MALRD1: variants seen among roughly 807,000 people sequenced by gnomAD.
MALRD1 encodes the protein MAM and LDL receptor class A domain containing 1, also known as MAM and LDL-receptor class A domain-containing protein 1.
In MALRD1, 247 loss-of-function variants were observed where a neutral mutation model predicts 242.1. The observed-to-expected ratio is 1.02, with a 90% confidence interval of 0.92 to 1.13. The LOEUF is 1.13. Ranked by LOEUF, MALRD1 falls within the 50% of genes most tolerant of loss-of-function variation. The probability of loss-of-function intolerance (pLI) is 0.00; values close to 1 mark genes in which losing one functional copy is unlikely to be tolerated. For synonymous variants in MALRD1, 995 were observed against 866.6 expected (o/e 1.15, Z -2.60); for missense variants, 2,989 against 2,533.1 (o/e 1.18, Z -3.86).
At chr10:19,489,266 A>C in intron 29 of MALRD1, 1 of 483,540 alleles carries the variant, frequency 2.1e-6, no homozygotes, top group South Asian at 1.5e-5. Flanking sequence ...AAAAGGGAAA[A>C]GGAGAGCAAA....
At chr10:19,142,955 A>G (rs1257316665) in intron 10 of MALRD1, among the ~76,000 whole-genome samples, 1 of 152,222 alleles carries the variant, frequency 6.6e-6, no homozygotes, top group African/African-American at 2.4e-5. Context: ...GCTTTAAAAA[A>G]TATTCTTTTA....
chr10:19,292,186 A>G (rs890592804), intron 21 of MALRD1, among the ~76,000 whole-genome samples: 2 of 152,084 alleles, frequency 1.3e-5, no homozygotes, highest in Non-Finnish European at 2.9e-5. Flanking sequence ...TCTAAAAAAC[A>G]TCATTTCAAG....
At chr10:19,705,642 T>TTCCTCC in intron 38 of MALRD1, among the ~76,000 whole-genome samples, 1 of 151,478 alleles carries the variant, frequency 6.6e-6, no homozygotes, top group South Asian at 2.1e-4. Context: ...ACCAGCATGA[T>TTCCTCC]TCCTCCTCCT....
rs1554842468 is a variant in MALRD1, at chr10:19,376,542, C to CATTTTTTTTTTTTTTTTTTTTTTTTT, written c.4442-10986_4442-10985insATTTTTTTTTTTTTTTTTTTTTTTTT. On this transcript the variant is annotated intron_variant, in intron 26 of 39. Transcript: ENST00000454679. ...TTGAAAGTCAAGGAGTTGATACATT[C>CATTTTTTTTTTTTTTTTTTTTTTTTT]TTTTTTTTTTTTTTTTTTTTTTTTT... 2.3e-4 allele frequency among the ~76,000 whole-genome samples: 22 copies of CATTTTTTTTTTTTTTTTTTTTTTTTT among 94,992 alleles called. 5 individuals are homozygous for CATTTTTTTTTTTTTTTTTTTTTTTTT. Among genetic ancestry groups the CATTTTTTTTTTTTTTTTTTTTTTTTT allele is most frequent in the Non-Finnish European group, 1.9e-4 (9 of 48,166 alleles). 62.3% of individuals were successfully genotyped at this position (94,992 alleles called of 152,430 possible).
chr10:19,063,255 G>T (rs1054502347), intron 1 of MALRD1, among the ~76,000 whole-genome samples: 23 of 152,166 alleles, frequency 1.5e-4, no homozygotes, highest in African/African-American at 5.3e-4. Flanking sequence ...GTAAGAGGAA[G>T]AAAAATGTAC....
At chr10:19,591,299 A>C (rs1194904271) in intron 33 of MALRD1, among the ~76,000 whole-genome samples, 1 of 152,230 alleles carries the variant, frequency 6.6e-6, no homozygotes, top group Non-Finnish European at 1.5e-5. Flanking sequence ...TATCAGCTCC[A>C]ATATCTAAAG....
intron 26 of MALRD1, among the ~76,000 whole-genome samples, chr10:19,368,891 T>TTG (rs71387066): frequency 0.031 from 2,454 of 79,462 alleles, 51 homozygotes; most frequent in East Asian, 0.064. Context: ...GTGTGTGTGT[T>TTG]TGTGTGTGTG....
At chr10:19,398,383 C>G (rs1846681767) in intron 28 of MALRD1, among the ~76,000 whole-genome samples, 1 of 147,594 alleles carries the variant, frequency 6.8e-6, no homozygotes, top group African/African-American at 2.5e-5. Flanking sequence ...GTAATAGTGA[C>G]TTTGAAAAAT....
At chr10:19,195,240 G>T (rs529859277) in intron 14 of MALRD1, among the ~76,000 whole-genome samples, 2 of 152,170 alleles carry the variant, frequency 1.3e-5, no homozygotes, top group Non-Finnish European at 2.9e-5. Context: ...ATATTTGCAG[G>T]TAACCACATT....
chr10:19,187,394 T>C (rs11008857), intron 14 of MALRD1, among the ~76,000 whole-genome samples: 34,379 of 151,936 alleles, frequency 0.23, 4,145 homozygotes, highest in Middle Eastern at 0.28. Context: ...TACAAGGTGG[T>C]ATTGTAACAA....
chr10:19,377,200 C>A (rs529101902), intron 26 of MALRD1, among the ~76,000 whole-genome samples: 1 of 152,032 alleles, frequency 6.6e-6, no homozygotes, highest in African/African-American at 2.4e-5. Context: ...TTAACTTTTG[C>A]AAAGTGGAGA....
intron 28 of MALRD1, among the ~76,000 whole-genome samples, chr10:19,393,734 C>A (rs555746253): frequency 6.6e-6 from 1 of 151,628 alleles, no homozygotes; most frequent in Non-Finnish European, 1.5e-5. Flanking sequence ...GGATTACAGG[C>A]GTGAGCCACC....
chr10:19,400,451 C>T lies in MALRD1; in HGVS notation c.4845+10842C>T, dbSNP rs1357610131. 3.9e-5 allele frequency among the ~76,000 whole-genome samples: 6 copies of T among 152,116 alleles called. No individual in the cohort carries two copies. The East Asian group carries it at 5.8e-4, about 15-fold the overall frequency. On this transcript the variant is annotated intron_variant, in intron 28 of 39. Transcript: ENST00000454679. ...TGTGAAAAGTTCTGTTCTCCAGCGA[C>T]AAGGGAGGCTTCATGACGCAGACCT...
chr10:19,416,419 T>G (rs938312041), intron 28 of MALRD1, among the ~76,000 whole-genome samples: 3 of 152,184 alleles, frequency 2.0e-5, no homozygotes, highest in Non-Finnish European at 4.4e-5. Context: ...AAGGTCCATC[T>G]TGGAGGCTGA....
At chr10:19,432,578 G>C (rs1263162043) in intron 28 of MALRD1, among the ~76,000 whole-genome samples, 4 of 152,160 alleles carry the variant, frequency 2.6e-5, no homozygotes, top group African/African-American at 9.7e-5. Context: ...ATCCAGAAAT[G>C]AATGAAGTGG....
intron 38 of MALRD1, among the ~76,000 whole-genome samples, chr10:19,696,231 A>C (rs182023524): frequency 7.2e-5 from 11 of 152,282 alleles, no homozygotes. Flanking sequence ...TTTTCAACCC[A>C]TTACCCATTT....
rs527263943 is a variant in MALRD1, at chr10:19,283,109, G to A, written c.3347G>A (p.Arg1116Lys). 10 of 1,549,530 alleles carry A rather than the reference G, an allele frequency of 6.5e-6. No homozygotes were observed. The highest frequency in any genetic ancestry group is 8.7e-6 in the Non-Finnish European group (10 of 1,146,414). ...TTGCTTCAAGATTCAAACACATTCA[G>A]GTGGGGGCTTGGGAACGGGATCAGC... Reference protein sequence around the residue: ...VHLLQDSNTFRWGLGNGISIH... With the variant: ...VHLLQDSNTFKWGLGNGISIH... The change falls in exon 21 of 40, where the codon AGG becomes AAG. Residue 1116 changes from arginine (R) to lysine (K), a missense_variant. Physicochemically the swap from Arg to Lys is conservative, Grantham distance 26. Coordinates refer to ENST00000454679, the MANE Select transcript of MALRD1 (RefSeq NM_001142308.3).
chr10:19,292,928 C>A (rs1841520724), intron 21 of MALRD1, among the ~76,000 whole-genome samples: 1 of 150,464 alleles, frequency 6.6e-6, no homozygotes, highest in African/African-American at 2.4e-5. Context: ...CAAACTATGT[C>A]CCTGTGACAC....
chr10:19,263,745 T>C (rs938664151), intron 19 of MALRD1, among the ~76,000 whole-genome samples: 2 of 152,170 alleles, frequency 1.3e-5, no homozygotes, highest in African/African-American at 4.8e-5. Flanking sequence ...CTTGACTTTA[T>C]ATGTGTGGGC....
Sources: gnomAD v4.1 joint callset for allele counts (sites outside exome capture counted in the v4.1 genomes callset) on GRCh38, gnomAD v4.1.1 for gene constraint, MANE v1.5 for transcripts, NCBI Gene and HGNC (gene_info 2026-07-23, HGNC 2026-07-21) for gene names.